The following ARHGAP26 variants were observed in gnomAD, a reference collection of about 807,000 sequenced individuals.
The protein encoded by ARHGAP26 is Rho GTPase activating protein 26.
A neutral mutation model predicts 104.8 loss-of-function variants in ARHGAP26; 38 were observed. That is an observed-to-expected ratio of 0.36 (90% CI 0.28 to 0.48). The LOEUF is 0.48. ARHGAP26 is among the 20% of genes least tolerant of loss of function. The pLI is 0.99. For missense variants in ARHGAP26, 704 were observed against 947.9 expected, an observed-to-expected ratio of 0.74 and a Z score of 3.38; for synonymous variants, 341 against 340.0, an observed-to-expected ratio of 1.00 and a Z score of -0.03.
At chr5:142,913,694 A>G (rs577260803) in intron 10 of ARHGAP26, among the ~76,000 whole-genome samples, 9 of 152,306 alleles carry the variant, frequency 5.9e-5, no homozygotes, top group Non-Finnish European at 1.0e-4. Flanking sequence ...AAGTTAGTAT[A>G]ATGATTCGAA....
At chr5:143,121,245 A>G (rs1216501502) in intron 18 of ARHGAP26, 98 bp downstream of exon 18, 5 of 1,199,564 alleles carry the variant, frequency 4.2e-6, no homozygotes, top group Admixed American at 2.2e-5. Flanking sequence ...ATTGCTAATC[A>G]CTCTTACACT....
rs76209509 is a variant in ARHGAP26, at chr5:143,082,195, G to A, written c.1538+24448G>A. ...TGGCTCTTAGCATAGTGATAATGCC[G>A]TGATTGCTTCAGCCTTGACACTTGT... On this transcript the variant is annotated intron_variant, in intron 17 of 22. Coordinates refer to ENST00000645722, the MANE Select transcript of ARHGAP26 (RefSeq NM_001135608.3). Among the ~76,000 whole-genome samples, 615 of 152,114 alleles carry A rather than the reference G, an allele frequency of 4.0e-3. 4 individuals carry two copies. Among genetic ancestry groups the A allele is most frequent in the African/African-American group, 0.013 (555 of 41,488 alleles).
intron 6 of ARHGAP26, among the ~76,000 whole-genome samples, chr5:142,897,124 A>G (rs1401100927): frequency 1.3e-5 from 2 of 152,194 alleles, no homozygotes; most frequent in Non-Finnish European, 2.9e-5. Context: ...AGATGTGTGT[A>G]GTAGAGAGCT....
At chr5:143,136,599 A>G (rs915173397) in intron 19 of ARHGAP26, among the ~76,000 whole-genome samples, 1 of 152,186 alleles carries the variant, frequency 6.6e-6, no homozygotes, top group African/African-American at 2.4e-5. Context: ...ATACTATCCA[A>G]ACCGGCATGG....
intron 12 of ARHGAP26, among the ~76,000 whole-genome samples, chr5:143,022,133 G>A (rs1287112768): frequency 6.6e-6 from 1 of 152,124 alleles, no homozygotes; most frequent in East Asian, 1.9e-4. Flanking sequence ...GTGCAGTGGT[G>A]TGATCACGGC....
chr5:142,930,194 G>T (rs1167298880), intron 10 of ARHGAP26, among the ~76,000 whole-genome samples: 1 of 152,180 alleles, frequency 6.6e-6, no homozygotes, highest in Non-Finnish European at 1.5e-5. Flanking sequence ...AGCTGCAGAG[G>T]CTTTTTGTTT....
At chr5:142,994,264 C>A (rs755485529) in intron 11 of ARHGAP26, among the ~76,000 whole-genome samples, 1 of 152,092 alleles carries the variant, frequency 6.6e-6, no homozygotes, top group Non-Finnish European at 1.5e-5. Context: ...AGAAGGGCTT[C>A]CTTGGCAAGA....
At chr5:142,787,416 T>C (rs777023839) in intron 1 of ARHGAP26, among the ~76,000 whole-genome samples, 5 of 152,208 alleles carry the variant, frequency 3.3e-5, no homozygotes, top group Admixed American at 2.6e-4. Flanking sequence ...AGAAACCTAT[T>C]TGGGGAGGTC....
intron 1 of ARHGAP26, among the ~76,000 whole-genome samples, chr5:142,791,793 G>C (rs745900240): frequency 6.6e-6 from 1 of 151,920 alleles, no homozygotes; most frequent in Non-Finnish European, 1.5e-5. Context: ...GTGAAACCCC[G>C]TCTCTACTAA....
rs553445700 is a variant in ARHGAP26 at position 143,226,358 on chromosome 5, G to A, written c.*3912G>A. ...TAGCCGGGTGTGGTGGCGGGCGCCT[G>A]TAGTCCCAGCTACTCTGGAGGCTGA... is the stretch of plus-strand genomic sequence containing the variant. On this transcript the variant is annotated 3_prime_UTR_variant, in exon 23 of 23. Transcript: ENST00000645722. 162 of 175,518 alleles carry A rather than the reference G, an allele frequency of 9.2e-4. 1 individual carries two copies. Among genetic ancestry groups the A allele is most frequent in the African/African-American group, 3.7e-3 (155 of 42,252 alleles). 10.9% of individuals were successfully genotyped at this position (175,518 alleles called of 1,614,324 possible). A position where few individuals can be genotyped will look rare whatever the true frequency, so the allele number is the denominator to read the frequency against.
chr5:142,771,176 C>A, intron 1 of ARHGAP26: 2 of 1,282,928 alleles, frequency 1.6e-6, no homozygotes, highest in Non-Finnish European at 2.0e-6. Flanking sequence ...TCTGGGGCAG[C>A]GCGGGTGGGC....
chr5:143,181,958 AC>A (rs1804446198), intron 20 of ARHGAP26, among the ~76,000 whole-genome samples: 1 of 152,172 alleles, frequency 6.6e-6, no homozygotes, highest in African/African-American at 2.4e-5. Context: ...ACTTCCCCTG[AC>A]ACGGCTGCCT....
At chr5:143,037,976 G>C (rs543058567) in intron 13 of ARHGAP26, among the ~76,000 whole-genome samples, 318 of 152,322 alleles carry the variant, frequency 2.1e-3, no homozygotes, top group African/African-American at 7.0e-3. Flanking sequence ...GATCAAGGAG[G>C]CTGGTTCATC....
At chr5:143,055,442 C>T (rs1785660285) in intron 15 of ARHGAP26, among the ~76,000 whole-genome samples, 2 of 152,112 alleles carry the variant, frequency 1.3e-5, no homozygotes, top group Admixed American at 6.5e-5. Context: ...AATGTATAGT[C>T]CTATTGAGAA....
intron 1 of ARHGAP26, among the ~76,000 whole-genome samples, chr5:142,793,978 A>G (rs1281743097): frequency 3.9e-5 from 6 of 152,198 alleles, no homozygotes; most frequent in Non-Finnish European, 8.8e-5. Flanking sequence ...AGAAGAACCA[A>G]TCCAAGCGGC....
At chr5:142,884,126 A>G (rs895086946) in intron 4 of ARHGAP26, among the ~76,000 whole-genome samples, 2 of 152,212 alleles carry the variant, frequency 1.3e-5, no homozygotes, top group African/African-American at 4.8e-5. Context: ...GATCCCGTTT[A>G]TCAGCCAAGT....
intron 12 of ARHGAP26, among the ~76,000 whole-genome samples, chr5:143,020,465 A>G (rs1780161651): frequency 6.6e-6 from 1 of 152,162 alleles, no homozygotes; most frequent in Non-Finnish European, 1.5e-5. Flanking sequence ...GGTGCAGACT[A>G]CATGCCCAGA....
intron 20 of ARHGAP26, chr5:143,202,660 AC>A (rs1162336866): frequency 6.6e-6 from 1 of 152,206 alleles, no homozygotes; most frequent in Non-Finnish European, 1.5e-5. Flanking sequence ...GGAACATGCT[AC>A]CTGGATTCAA....
At chr5:143,143,543 A>T (rs1404079187) in intron 19 of ARHGAP26, among the ~76,000 whole-genome samples, 1 of 152,226 alleles carries the variant, frequency 6.6e-6, no homozygotes, top group African/African-American at 2.4e-5. Flanking sequence ...GCCCACTGTC[A>T]TCAGTACTTT....
Sources: allele counts gnomAD v4.1 joint callset (sites outside exome capture counted in the v4.1 genomes callset), GRCh38; gene constraint gnomAD v4.1.1; transcripts MANE v1.5; gene names NCBI Gene and HGNC (gene_info 2026-07-23, HGNC 2026-07-21).